Variants in CALD1 observed in about 807,000 individuals in gnomAD.
CALD1 encodes the protein caldesmon 1, also known as caldesmon.
In CALD1, 33 loss-of-function variants were observed where a neutral mutation model predicts 99.9. The observed-to-expected ratio is 0.33, with a 90% confidence interval of 0.25 to 0.44. The LOEUF is 0.44. CALD1 is among the 20% of genes least tolerant of loss of function. CALD1 has a pLI of 1.00. For missense variants in CALD1, 861 were observed against 962.1 expected (o/e 0.89, Z 1.39); for synonymous variants, 310 against 325.0 (o/e 0.95, Z 0.50).
At chr7:134,805,850 T>C (rs1798117165) in intron 1 of CALD1, among the ~76,000 whole-genome samples, 1 of 150,940 alleles carries the variant, frequency 6.6e-6, no homozygotes, top group Non-Finnish European at 1.5e-5. Flanking sequence ...AACCTCTGCC[T>C]CTTGGGTTCA....
chr7:134,919,478 C>T (rs1373269383), intron 3 of CALD1, among the ~76,000 whole-genome samples: 1 of 152,152 alleles, frequency 6.6e-6, no homozygotes, highest in East Asian at 1.9e-4. Flanking sequence ...GGGATGTCAC[C>T]ATTGTATAAA....
chr7:134,905,495 G>C (rs947882259), intron 3 of CALD1, among the ~76,000 whole-genome samples: 3 of 152,156 alleles, frequency 2.0e-5, no homozygotes, highest in Admixed American at 1.3e-4. Flanking sequence ...TTTGGCTCCA[G>C]GCTGGCTCCT....
the CALD1 span, among the ~76,000 whole-genome samples, chr7:134,733,056 G>A: frequency 1.3e-5 from 2 of 152,246 alleles, no homozygotes; most frequent in Non-Finnish European, 2.9e-5. Context: ...TATTGGGACT[G>A]CAGGGGCCTC....
In CALD1 at chr7:134,938,213, G is replaced by T. The variant is rs184179548; in HGVS notation, c.1386+2448G>T. ...TTTGGGGCTTATGAAGCTAACAAAA[G>T]CACGTAAAACCCAGCCTGAGAAACA... On this transcript the variant is annotated intron_variant, in intron 6 of 14. Coordinates refer to ENST00000361675, the MANE Select transcript of CALD1 (RefSeq NM_033138.4). Among the ~76,000 whole-genome samples, 51 of 152,320 alleles carry T rather than the reference G, an allele frequency of 3.3e-4. 1 individual carries two copies. The East Asian group carries it at 9.3e-3, about 28-fold the overall frequency.
intron 3 of CALD1, among the ~76,000 whole-genome samples, chr7:134,875,246 C>T (rs1308225566): frequency 6.6e-6 from 1 of 152,164 alleles, no homozygotes; most frequent in African/African-American, 2.4e-5. Flanking sequence ...CCATGTTGCG[C>T]AGTCCAGTCT....
At chr7:134,823,162 C>T (rs913715244) in intron 1 of CALD1, among the ~76,000 whole-genome samples, 1 of 152,104 alleles carries the variant, frequency 6.6e-6, no homozygotes, top group Admixed American at 6.5e-5. Flanking sequence ...CTGTAATTTT[C>T]ATCTAAAAGA....
At chr7:134,953,356 G>A (rs1304100898) in intron 9 of CALD1, among the ~76,000 whole-genome samples, 1 of 152,068 alleles carries the variant, frequency 6.6e-6, no homozygotes, top group South Asian at 2.1e-4. Context: ...GCAGGTGCCT[G>A]TAATCCCTAC....
At chr7:134,944,983 A>G (rs1806744783) in intron 7 of CALD1, among the ~76,000 whole-genome samples, 1 of 152,098 alleles carries the variant, frequency 6.6e-6, no homozygotes, top group African/African-American at 2.4e-5. Flanking sequence ...TATTAAAGAA[A>G]CTCAGGGGTC....
Position 134,933,686 on chromosome 7 carries a change from G to C in CALD1, c.917G>C (p.Arg306Thr). The C allele has an allele frequency of 6.3e-7, 1 of 1,585,716 alleles. No homozygotes were observed. The highest frequency in any genetic ancestry group is 8.6e-7 in the Non-Finnish European group (1 of 1,164,698). The change falls in exon 5 of 15, where the codon AGA becomes ACA. Residue 306 changes from arginine to threonine, a missense_variant. Arg to Thr is a moderately conservative substitution (Grantham distance 71, BLOSUM62 -1). Around this residue, in one of 5 missense-constraint regions of CALD1, gnomAD observed 234 missense variants for 233.1 expected, o/e 1.00. Coordinates refer to ENST00000361675, the MANE Select transcript of CALD1 (RefSeq NM_033138.4). ...EAEEKAAAQE[R>T]ERREAEERER... ...GAAGAAAAAGCAGCTGCCCAAGAAAGAGAAAGGAGAGAGGCAGAAGAGAGG... is the reference window on the plus strand; with the variant it reads ...GAAGAAAAAGCAGCTGCCCAAGAAACAGAAAGGAGAGAGGCAGAAGAGAGG...
the CALD1 span, among the ~76,000 whole-genome samples, chr7:134,726,780 G>T: frequency 2.6e-5 from 4 of 152,080 alleles, no homozygotes; most frequent in African/African-American, 9.7e-5. Flanking sequence ...TCAAAACCAG[G>T]CTTAGAAATT....
At chr7:134,922,297 G>A (rs1804676311) in intron 3 of CALD1, among the ~76,000 whole-genome samples, 1 of 152,094 alleles carries the variant, frequency 6.6e-6, no homozygotes, top group African/African-American at 2.4e-5. Flanking sequence ...CCATAAAAAT[G>A]TCTATTATTT....
chr7:134,733,545 A>G, the CALD1 span, among the ~76,000 whole-genome samples: 100,090 of 151,596 alleles, frequency 0.66, 33,537 homozygotes, highest in East Asian at 0.89. Flanking sequence ...GCGGTGGCTC[A>G]AGCCTGTAAT....
intron 11 of CALD1, among the ~76,000 whole-genome samples, chr7:134,959,363 C>G (rs1808073493): frequency 1.3e-5 from 2 of 151,978 alleles, no homozygotes; most frequent in African/African-American, 4.8e-5. Context: ...GCCCTTCATA[C>G]AGTAGGCATT....
chr7:134,917,689 C>G (rs1804316731), intron 3 of CALD1, among the ~76,000 whole-genome samples: 1 of 152,236 alleles, frequency 6.6e-6, no homozygotes, highest in Non-Finnish European at 1.5e-5. Context: ...CTGTTATAAA[C>G]AAAGAATTCT....
intron 1 of CALD1, among the ~76,000 whole-genome samples, chr7:134,767,134 G>A (rs774597100): frequency 4.6e-5 from 7 of 152,072 alleles, no homozygotes; most frequent in East Asian, 1.9e-4. Flanking sequence ...GGACCAGACC[G>A]CGAAGCTGCA....
At chr7:134,844,209 T>C (rs960720556) in intron 2 of CALD1, 3 of 152,196 alleles carry the variant, frequency 2.0e-5, no homozygotes, top group Non-Finnish European at 2.9e-5. Flanking sequence ...TTTTGCTTTA[T>C]TTTTAAATGT....
intron 3 of CALD1, among the ~76,000 whole-genome samples, chr7:134,908,308 C>G (rs1216338228): frequency 6.6e-6 from 1 of 152,096 alleles, no homozygotes; most frequent in Non-Finnish European, 1.5e-5. Context: ...GTAACACCTA[C>G]TTTTGCTTGT....
At chr7:134,895,800 A>G (rs2132548193) in intron 3 of CALD1, among the ~76,000 whole-genome samples, 1 of 152,304 alleles carries the variant, frequency 6.6e-6, no homozygotes, top group South Asian at 2.1e-4. Flanking sequence ...CAGTATGTTC[A>G]GCTTTCTTAT....
intron 1 of CALD1, among the ~76,000 whole-genome samples, chr7:134,761,884 G>A (rs1796781552): frequency 6.6e-6 from 1 of 152,108 alleles, no homozygotes; most frequent in Non-Finnish European, 1.5e-5. Flanking sequence ...TGAAATATTT[G>A]CAATCAGGTC....
Sources: gnomAD v4.1 joint callset for allele counts (sites outside exome capture counted in the v4.1 genomes callset) on GRCh38, gnomAD v4.1.1 for gene constraint, gnomAD v4.1.1 regional missense constraint, MANE v1.5 for transcripts, NCBI Gene and HGNC (gene_info 2026-07-23, HGNC 2026-07-21) for gene names.